The following GUCY1A2 variants were observed in gnomAD, a reference collection of about 807,000 sequenced individuals.
GUCY1A2 encodes guanylate cyclase 1 soluble subunit alpha 2, also known as guanylate cyclase soluble subunit alpha-2.
A neutral mutation model predicts 63.5 loss-of-function variants in GUCY1A2; 27 were observed. The observed-to-expected ratio is 0.43, with a 90% CI of 0.31 to 0.59. GUCY1A2 has a LOEUF of 0.59. GUCY1A2 is among the 20% of genes least tolerant of loss of function. The pLI, the probability that GUCY1A2 is intolerant of heterozygous loss-of-function variation, is 0.11. For missense variants in GUCY1A2, 768 were observed against 913.3 expected (o/e 0.84, Z 2.05); for synonymous variants, 364 against 343.5 (o/e 1.06, Z -0.66).
rs1180806732 is a variant in GUCY1A2 at position 106,676,793 on chromosome 11, T to TA, written c.*10755dup. 759 of 193,198 alleles carry TA rather than the reference T, an allele frequency of 3.9e-3. 2 individuals carry two copies. The highest frequency in any genetic ancestry group is 8.5e-3 in the African/African-American group (367 of 42,952). 12.0% of individuals were successfully genotyped at this position (193,198 alleles called of 1,614,324 possible). ...AGTCTTTAGCAGTGTGGTACTCACA[T>TA]AAAAAAAAATGACTACTTGAAAATA... On this transcript the variant is annotated 3_prime_UTR_variant, in exon 8 of 8. Transcript: ENST00000526355.
At position 106,947,265 on chromosome 11, in the gene GUCY1A2, T is replaced by C. The variant is rs1045439230; in HGVS notation, c.488-7087A>G. 5.3e-5 allele frequency among the ~76,000 whole-genome samples: 8 copies of C among 151,134 alleles called. No individual in the cohort carries two copies. In the Middle Eastern group the frequency reaches 0.014, roughly 259 times the overall value. ...GAAGAAATCTATACAACTATAATTATAGTAGGAAACACTAATACATGTCTC... is the reference window on the plus strand; with the variant it reads ...GAAGAAATCTATACAACTATAATTACAGTAGGAAACACTAATACATGTCTC... On this transcript the variant is annotated intron_variant, in intron 3 of 7. Coordinates refer to ENST00000526355, the MANE Select transcript of GUCY1A2 (RefSeq NM_000855.3).
intron 4 of GUCY1A2, among the ~76,000 whole-genome samples, chr11:106,897,106 A>G (rs1860061331): frequency 6.6e-6 from 1 of 152,200 alleles, no homozygotes; most frequent in Admixed American, 6.5e-5. Context: ...TTACATTAGC[A>G]TACCCCAAAA....
chr11:106,995,359 G>C (rs911743179), intron 1 of GUCY1A2, among the ~76,000 whole-genome samples: 7 of 152,146 alleles, frequency 4.6e-5, no homozygotes, highest in African/African-American at 7.2e-5. Flanking sequence ...CTTGCCCAAA[G>C]TCACTTAGGT....
intron 5 of GUCY1A2, among the ~76,000 whole-genome samples, chr11:106,795,683 T>G (rs1295321843): frequency 1.3e-5 from 2 of 152,164 alleles, no homozygotes; most frequent in Non-Finnish European, 2.9e-5. Flanking sequence ...TCAAAACTTA[T>G]TTATATCCAT....
chr11:106,774,330 A>G (rs949545306), intron 6 of GUCY1A2, among the ~76,000 whole-genome samples: 1 of 151,948 alleles, frequency 6.6e-6, no homozygotes, highest in African/African-American at 2.4e-5. Context: ...ACAGGGTTTC[A>G]CCATCTTGGC....
intron 3 of GUCY1A2, among the ~76,000 whole-genome samples, chr11:106,954,671 T>C (rs1860957805): frequency 6.6e-6 from 1 of 152,252 alleles, no homozygotes; most frequent in Admixed American, 6.5e-5. Flanking sequence ...GAACTAGTTT[T>C]ATGAATCTGG....
chr11:106,834,704 A>C (rs2135439098), intron 4 of GUCY1A2, among the ~76,000 whole-genome samples: 1 of 152,170 alleles, frequency 6.6e-6, no homozygotes, highest in Middle Eastern at 3.4e-3. Context: ...AAGGGGCCTA[A>C]GCAAAAATAA....
intron 6 of GUCY1A2, among the ~76,000 whole-genome samples, chr11:106,729,054 C>T (rs1361590775): frequency 6.6e-6 from 1 of 152,056 alleles, no homozygotes; most frequent in African/African-American, 2.4e-5. Context: ...GTTCCATGTG[C>T]TAGGTATAGA....
At chr11:106,767,306 G>C in intron 6 of GUCY1A2, among the ~76,000 whole-genome samples, 1 of 152,018 alleles carries the variant, frequency 6.6e-6, no homozygotes, top group East Asian at 1.9e-4. Context: ...AAGCAATTTT[G>C]TGCTTTGCAT....
chr11:106,889,275 G>C (rs1367438292), intron 4 of GUCY1A2, among the ~76,000 whole-genome samples: 1 of 152,122 alleles, frequency 6.6e-6, no homozygotes, highest in Non-Finnish European at 1.5e-5. Context: ...TGTTCTCCAA[G>C]GTAAGTTCCT....
chr11:106,685,589 GCTTGTTCCCTCCCCATGCT>G lies in GUCY1A2; in HGVS notation c.*1941_*1959del. The G allele has an allele frequency of 4.4e-6, 1 of 228,198 alleles. No individual in the cohort carries two copies. 14.1% of individuals were successfully genotyped at this position (228,198 alleles called of 1,614,324 possible). A position where few individuals can be genotyped will look rare whatever the true frequency, so the allele number is the denominator to read the frequency against. On this transcript the variant is annotated 3_prime_UTR_variant, in exon 8 of 8. Transcript: ENST00000526355. Reference sequence around the variant, plus strand: ...CAATAGGCATAAATGACATCAGTGAGCTTGTTCCCTCCCCATGCTCCAGTGCTACAAGGAGCCCATCAAC... The same window carrying G: ...CAATAGGCATAAATGACATCAGTGAGCCAGTGCTACAAGGAGCCCATCAAC...
At chr11:106,980,539 T>C (rs1861321633) in intron 2 of GUCY1A2, among the ~76,000 whole-genome samples, 1 of 152,198 alleles carries the variant, frequency 6.6e-6, no homozygotes. Context: ...CTCTGTCCTG[T>C]ATTCCAAGTC....
intron 4 of GUCY1A2, among the ~76,000 whole-genome samples, chr11:106,845,828 T>G (rs1273752092): frequency 2.6e-5 from 4 of 151,642 alleles, no homozygotes; most frequent in South Asian, 2.1e-4. Context: ...GAAAACGGTA[T>G]GCTCATATGG....
At chr11:106,875,317 G>A (rs1859734828) in intron 4 of GUCY1A2, among the ~76,000 whole-genome samples, 1 of 152,104 alleles carries the variant, frequency 6.6e-6, no homozygotes, top group South Asian at 2.1e-4. Flanking sequence ...AGAGACTTTG[G>A]AGCCCAAGTA....
At chr11:106,751,338 A>AATGAT (rs1256660459) in intron 6 of GUCY1A2, among the ~76,000 whole-genome samples, 3 of 152,120 alleles carry the variant, frequency 2.0e-5, no homozygotes, top group African/African-American at 7.2e-5. Flanking sequence ...TAAGGCAGTA[A>AATGAT]ATGATATACA....
At chr11:107,002,628 G>C (rs1383365263) in intron 1 of GUCY1A2, among the ~76,000 whole-genome samples, 1 of 152,158 alleles carries the variant, frequency 6.6e-6, no homozygotes, top group African/African-American at 2.4e-5. Context: ...TATGTAAGCA[G>C]TGGATTATAC....
chr11:106,798,100 G>T (rs1365366950), intron 5 of GUCY1A2, among the ~76,000 whole-genome samples: 1 of 152,096 alleles, frequency 6.6e-6, no homozygotes, highest in Non-Finnish European at 1.5e-5. Context: ...CAATCCCACA[G>T]AAATACAAAT....
chr11:106,768,058 C>G (rs1401768212), intron 6 of GUCY1A2, among the ~76,000 whole-genome samples: 1 of 152,074 alleles, frequency 6.6e-6, no homozygotes, highest in Non-Finnish European at 1.5e-5. Flanking sequence ...ACTAATACAT[C>G]CCCCACCCAA....
Position 106,772,252 on chromosome 11 carries a change from CA to C in GUCY1A2, c.1836+4186del, listed in dbSNP as rs577770888. Reference sequence around the variant, plus strand: ...ATATACAAATTATCAATTTACTTTTCAAAGTTTGGATTCAGTTTTAGTCAAT... The same window carrying C: ...ATATACAAATTATCAATTTACTTTTCAAGTTTGGATTCAGTTTTAGTCAAT... On this transcript the variant is annotated intron_variant, in intron 6 of 7. Coordinates refer to ENST00000526355, the MANE Select transcript of GUCY1A2 (RefSeq NM_000855.3). Among the ~76,000 whole-genome samples, 30 of 152,218 alleles carry C rather than the reference CA, an allele frequency of 2.0e-4. No homozygotes were observed. The East Asian group carries it at 5.2e-3, about 26-fold the overall frequency.
Sources: allele counts gnomAD v4.1 joint callset (sites outside exome capture counted in the v4.1 genomes callset), GRCh38; gene constraint gnomAD v4.1.1; transcripts MANE v1.5; gene names NCBI Gene and HGNC (gene_info 2026-07-23, HGNC 2026-07-21).